SLC5A4: variants seen among roughly 807,000 people sequenced by gnomAD.
SLC5A4 encodes solute carrier family 5 member 4, also known as probable glucose sensor protein SLC5A4.
SLC5A4 carries 55 observed loss-of-function variants against 70.3 expected under a neutral mutation model. The ratio of observed to expected loss-of-function variants is 0.78; its 90% CI spans 0.63 to 0.98. The LOEUF is 0.98. Among genes scored for constraint, SLC5A4 ranks in the 50% least tolerant of loss-of-function variants. The probability of loss-of-function intolerance (pLI) is 0.00; values close to 1 mark genes in which losing one functional copy is unlikely to be tolerated. For missense variants in SLC5A4, 735 were observed against 839.2 expected (o/e 0.88, Z 1.53); for synonymous variants, 268 against 305.7 (o/e 0.88, Z 1.29).
At chr22:32,316,099 ACT>A in the SLC5A4 span, among the ~76,000 whole-genome samples, 8 of 119,664 alleles carry the variant, frequency 6.7e-5, no homozygotes, top group African/African-American at 2.4e-4. Context: ...AACCCAGGAG[ACT>A]CTGTCTGAAA....
chr22:32,309,099 G>A, the SLC5A4 span, among the ~76,000 whole-genome samples: 45 of 152,188 alleles, frequency 3.0e-4, no homozygotes, highest in African/African-American at 1.1e-3. Context: ...GGAGGGTACA[G>A]GTGAGGTGGG....
At chr22:32,332,327 A>G in the SLC5A4 span, among the ~76,000 whole-genome samples, 1 of 152,036 alleles carries the variant, frequency 6.6e-6, no homozygotes, top group East Asian at 1.9e-4. Flanking sequence ...ATGCCACCTG[A>G]CTGCCCTTCA....
At chr22:32,330,360 G>A in the SLC5A4 span, among the ~76,000 whole-genome samples, 1 of 43,726 alleles carries the variant, frequency 2.3e-5, no homozygotes, top group South Asian at 1.5e-3. Flanking sequence ...GGGGCTCTGT[G>A]TTGGGGACTG....
In SLC5A4 at chr22:32,244,804, A is replaced by G. The variant is rs148489729; in HGVS notation, c.477+2607T>C. On this transcript the variant is annotated intron_variant, in intron 5 of 14. Coordinates refer to ENST00000266086, the MANE Select transcript of SLC5A4 (RefSeq NM_014227.3). Reference sequence around the variant, plus strand: ...CTCAGCCTCCCAAAGTGCTGGGATTACAGGCAGAAGTCACTGGGCTCAGCC... The same window carrying G: ...CTCAGCCTCCCAAAGTGCTGGGATTGCAGGCAGAAGTCACTGGGCTCAGCC... 8.5e-3 allele frequency among the ~76,000 whole-genome samples: 1,292 copies of G among 152,304 alleles called. 19 individuals are homozygous for G. Among genetic ancestry groups the G allele is most frequent in the African/African-American group, 0.03 (1,238 of 41,552 alleles).
chr22:32,269,401 G>C, the SLC5A4 span: 1 of 464,976 alleles, frequency 2.2e-6, no homozygotes, highest in Non-Finnish European at 4.2e-6. The surrounding 1 kb of genome is among the most constrained non-coding windows in gnomAD (Gnocchi z 4.1). Flanking sequence ...TCGATGTGCA[G>C]GCCCTGGATG....
At chr22:32,222,786 A>C (rs1925158661) in intron 13 of SLC5A4, among the ~76,000 whole-genome samples, 2 of 152,212 alleles carry the variant, frequency 1.3e-5, no homozygotes, top group South Asian at 4.1e-4. Context: ...TTGCTTCAAA[A>C]ATTGTGAGTG....
the SLC5A4 span, among the ~76,000 whole-genome samples, chr22:32,326,196 C>T: frequency 6.6e-6 from 1 of 152,130 alleles, no homozygotes; most frequent in Non-Finnish European, 1.5e-5. Context: ...ATGTGTTCCC[C>T]AGCAGCGGCA....
At chr22:32,254,828 C>A (rs1927381306) in intron 1 of SLC5A4, among the ~76,000 whole-genome samples, 1 of 151,820 alleles carries the variant, frequency 6.6e-6, no homozygotes, top group Non-Finnish European at 1.5e-5. Context: ...TTTGCAGTCT[C>A]AAATTTATTA....
the SLC5A4 span, among the ~76,000 whole-genome samples, chr22:32,350,255 C>A: frequency 0.056 from 8,597 of 152,226 alleles, 253 homozygotes; most frequent in South Asian, 0.084. Context: ...CTTAATACTG[C>A]CCCCATTGTA....
At chr22:32,271,779 G>A in the SLC5A4 span, 4 of 592,188 alleles carry the variant, frequency 6.8e-6, no homozygotes, top group Admixed American at 2.2e-5. Context: ...AACAGACAGG[G>A]CAAACTGAGG....
the SLC5A4 span, among the ~76,000 whole-genome samples, chr22:32,298,179 G>A: frequency 6.8e-6 from 1 of 147,264 alleles, no homozygotes; most frequent in Non-Finnish European, 1.5e-5. Flanking sequence ...TCCGCTTGGT[G>A]CAGAGCTGAG....
At chr22:32,326,168 C>T in the SLC5A4 span, among the ~76,000 whole-genome samples, 2 of 152,320 alleles carry the variant, frequency 1.3e-5, no homozygotes, top group African/African-American at 4.8e-5. Flanking sequence ...ACGCCTCATT[C>T]CAGGTGAACT....
At chr22:32,325,874 C>CA in the SLC5A4 span, among the ~76,000 whole-genome samples, 1 of 152,230 alleles carries the variant, frequency 6.6e-6, no homozygotes, top group Non-Finnish European at 1.5e-5. Flanking sequence ...CAGGGCCACA[C>CA]AGCCAGCCCC....
At chr22:32,339,578 C>A in the SLC5A4 span, among the ~76,000 whole-genome samples, 7 of 152,028 alleles carry the variant, frequency 4.6e-5, no homozygotes, top group Admixed American at 4.6e-4. Context: ...TTCCGCCGGG[C>A]CCTCCTCTTG....
chr22:32,272,213 G>T, the SLC5A4 span: 1 of 765,188 alleles, frequency 1.3e-6, no homozygotes, highest in Non-Finnish European at 2.4e-6. Flanking sequence ...CCTGAGGGCG[G>T]ATCTTGATCA....
At chr22:32,310,054 TGGGGAGGGGGGAGGGAGGACG>T in the SLC5A4 span, among the ~76,000 whole-genome samples, 1 of 10,706 alleles carries the variant, frequency 9.3e-5, no homozygotes. Context: ...GGCAGCGGGG[TGGGGAGGGGGGAGGGAGGACG>T]GGGGATGGGG....
chr22:32,228,406 G>A (rs2123881357), intron 11 of SLC5A4, among the ~76,000 whole-genome samples: 1 of 152,090 alleles, frequency 6.6e-6, no homozygotes, highest in South Asian at 2.1e-4. Context: ...TCTGGGCATG[G>A]TGGCGGGCAC....
Position 32,251,742 on chromosome 22 carries a change from G to A in SLC5A4, c.312+28C>T, listed in dbSNP as rs371570985. ...AAGACACTGGATATGGTTTTGATTTGAAGGAAAAAGCCTATGATGTCACTT... is the reference window on the plus strand; with the variant it reads ...AAGACACTGGATATGGTTTTGATTTAAAGGAAAAAGCCTATGATGTCACTT... On this transcript the variant is annotated intron_variant, in intron 3 of 14. Transcript: ENST00000266086. 1.1e-5 allele frequency: 15 copies of A among 1,349,744 alleles called. No homozygotes were observed. In the African/African-American group the frequency reaches 1.9e-4, roughly 17 times the overall value. 83.6% of individuals were successfully genotyped at this position (1,349,744 alleles called of 1,614,324 possible).
In SLC5A4 at chr22:32,255,091, A is replaced by G. The variant is rs532795185; in HGVS notation, c.135+104T>C. The G allele has an allele frequency of 2.2e-5, 23 of 1,054,330 alleles. No individual in the cohort carries two copies. The African/African-American group carries it at 2.3e-4, about 11-fold the overall frequency. The allele number at this position is 1,054,330 out of a possible 1,614,324, so 65.3% of individuals were successfully genotyped here. Reference sequence around the variant, plus strand: ...ACAAGAAAATGATTCTGATAACACAATGACATTTGTGAAAAGCTTTGTCAC... The same window carrying G: ...ACAAGAAAATGATTCTGATAACACAGTGACATTTGTGAAAAGCTTTGTCAC... On this transcript the variant is annotated intron_variant, in intron 1 of 14. Coordinates refer to ENST00000266086, the MANE Select transcript of SLC5A4 (RefSeq NM_014227.3).
Sources: gnomAD v4.1 joint callset for allele counts (sites outside exome capture counted in the v4.1 genomes callset) on GRCh38, gnomAD v4.1.1 for gene constraint, Gnocchi (gnomAD v3.1) non-coding constraint, MANE v1.5 for transcripts, NCBI Gene and HGNC (gene_info 2026-07-23, HGNC 2026-07-21) for gene names.